The following DNAH5 variants were observed in gnomAD, a reference collection of about 807,000 sequenced individuals.
DNAH5 encodes dynein axonemal heavy chain 5, also known as axonemal beta dynein heavy chain 5.
In DNAH5, 372 loss-of-function variants were observed where a neutral mutation model predicts 518.2. The ratio of observed to expected loss-of-function variants is 0.72; its 90% CI spans 0.66 to 0.78. The LOEUF (loss-of-function observed/expected upper bound fraction) is 0.78, where lower values mean the gene tolerates loss of function less well. Ranked by LOEUF, DNAH5 falls within the 30% of genes least tolerant of loss-of-function variation. The pLI is 0.00. For missense variants in DNAH5, 5,523 were observed against 5,687.0 expected, an observed-to-expected ratio of 0.97 and a Z score of 0.93; for synonymous variants, 2,039 against 2,025.9, an observed-to-expected ratio of 1.01 and a Z score of -0.17.
At chr5:13,990,383 T>A (rs1363794070) in intron 1 of DNAH5, among the ~76,000 whole-genome samples, 1 of 151,666 alleles carries the variant, frequency 6.6e-6, no homozygotes, top group Admixed American at 6.6e-5. Flanking sequence ...AAACCCTGTC[T>A]CTTCCAAACA....
chr5:13,852,946 C>T (rs943661122), intron 30 of DNAH5, among the ~76,000 whole-genome samples: 3 of 152,228 alleles, frequency 2.0e-5, no homozygotes, highest in African/African-American at 7.2e-5. Flanking sequence ...GGTACAGCGT[C>T]AGAAGACTTA....
intron 1 of DNAH5, among the ~76,000 whole-genome samples, chr5:13,998,244 T>C (rs545951378): frequency 6.6e-6 from 1 of 152,312 alleles, no homozygotes; most frequent in East Asian, 1.9e-4. Context: ...TGGCACCTTG[T>C]TGCTGCACCT....
intron 57 of DNAH5, 99 bp from the exon 58 acceptor site, chr5:13,769,235 C>G: frequency 7.6e-7 from 1 of 1,309,268 alleles, no homozygotes; most frequent in Non-Finnish European, 1.1e-6. Context: ...TGTTCACTTA[C>G]CCAGTTTTGT....
At position 13,890,826 on chromosome 5, in the gene DNAH5, T is replaced by C. The variant is rs556703120; in HGVS notation, c.2577+150A>G. ...GATACATTTCTCTTCACTGGCAAAT[T>C]ATTGTCAGAAGATTCCATGTCTGAA... On this transcript the variant is annotated intron_variant, in intron 17 of 78. Transcript: ENST00000265104. The C allele has an allele frequency of 1.3e-5, 11 of 865,932 alleles. No individual in the cohort carries two copies. The African/African-American group carries it at 1.7e-4, about 13-fold the overall frequency. The allele number at this position is 865,932 out of a possible 1,614,324, so 53.6% of individuals were successfully genotyped here.
At chr5:13,757,656 A>G (rs1751187781) in intron 61 of DNAH5, among the ~76,000 whole-genome samples, 1 of 152,210 alleles carries the variant, frequency 6.6e-6, no homozygotes, top group African/African-American at 2.4e-5. Flanking sequence ...GATCTGAAAA[A>G]ATCTTAATAT....
intron 35 of DNAH5, among the ~76,000 whole-genome samples, chr5:13,838,706 A>G (rs888194849): frequency 1.3e-5 from 2 of 152,154 alleles, no homozygotes; most frequent in Non-Finnish European, 2.9e-5. Flanking sequence ...GTGCACAATA[A>G]ATGGAATGAG....
chr5:13,773,423 G>A (rs1346239145), intron 55 of DNAH5, among the ~76,000 whole-genome samples: 1 of 152,082 alleles, frequency 6.6e-6, no homozygotes, highest in East Asian at 1.9e-4. Context: ...GGACTAGTGT[G>A]AAAGGATAAG....
At chr5:13,852,016 T>C (rs1409932193) in intron 30 of DNAH5, among the ~76,000 whole-genome samples, 1 of 152,052 alleles carries the variant, frequency 6.6e-6, no homozygotes. Flanking sequence ...TGAGGTACCA[T>C]GCTGTGAGGG....
At chr5:13,892,776 A>G (rs1035491750) in intron 16 of DNAH5, among the ~76,000 whole-genome samples, 17 of 152,210 alleles carry the variant, frequency 1.1e-4, no homozygotes, top group African/African-American at 3.9e-4. Context: ...GTGCCTCCTT[A>G]GGAAATTTTA....
At chr5:13,750,156 G>T (rs1750015631) in intron 65 of DNAH5, among the ~76,000 whole-genome samples, 1 of 152,112 alleles carries the variant, frequency 6.6e-6, no homozygotes, top group East Asian at 1.9e-4. Flanking sequence ...ACACAGAAAA[G>T]GTACAGACAA....
rs75275506 is a variant in DNAH5 at position 13,728,620 on chromosome 5, G to A, written c.11883+819C>T. Among the ~76,000 whole-genome samples the A allele has an allele frequency of 2.6e-3, 392 of 152,166 alleles. 12 individuals carry two copies. The East Asian group carries it at 0.073, about 28-fold the overall frequency. Reference sequence around the variant, plus strand: ...GAATGGTTTGTACCCCTAAGTACATGGTAGTAATAATAAACACCACCAGTG... The same window carrying A: ...GAATGGTTTGTACCCCTAAGTACATAGTAGTAATAATAAACACCACCAGTG... On this transcript the variant is annotated intron_variant, in intron 69 of 78. Coordinates refer to ENST00000265104, the MANE Select transcript of DNAH5 (RefSeq NM_001369.3).
At chr5:14,002,065 AT>A (rs752833775) in intron 1 of DNAH5, among the ~76,000 whole-genome samples, 2 of 151,530 alleles carry the variant, frequency 1.3e-5, no homozygotes, top group Non-Finnish European at 2.9e-5. Context: ...TACCCAGCTA[AT>A]TTTTGTATTT....
intron 30 of DNAH5, among the ~76,000 whole-genome samples, chr5:13,852,024 G>T (rs1766938824): frequency 6.6e-6 from 1 of 152,092 alleles, no homozygotes; most frequent in South Asian, 2.1e-4. Flanking sequence ...CATGCTGTGA[G>T]GGACACTGCT....
chr5:13,988,274 C>T (rs978509089), intron 1 of DNAH5, among the ~76,000 whole-genome samples: 6 of 152,138 alleles, frequency 3.9e-5, no homozygotes, highest in Non-Finnish European at 8.8e-5. Context: ...ACTTTGATGC[C>T]ACTGTCCCTT....
rs1580687363 is a variant in DNAH5 at position 13,871,731 on chromosome 5, T to C, written c.3431A>G (p.Tyr1144Cys). 1.2e-6 allele frequency: 2 copies of C among 1,613,704 alleles called. No homozygotes were observed. Among genetic ancestry groups the C allele is most frequent in the South Asian group, 1.1e-5 (1 of 91,068 alleles). The change falls in exon 23 of 79, where the codon TAC becomes TGC. Residue 1144 changes from tyrosine to cysteine, a missense_variant. By Grantham distance (194) the Tyr-to-Cys change is radical. Coordinates refer to ENST00000265104, the MANE Select transcript of DNAH5 (RefSeq NM_001369.3). ...VITSMDCFKR[Y>C]NHIWQKGKEE... The stretch of plus-strand genomic sequence containing the variant: ...TTTTCCCTTTTGCCAAATGTGATTG[T>C]AGCGTTTGAAGCAATCCATGGATGT...
chr5:13,818,380 T>C (rs1183450388), intron 41 of DNAH5, among the ~76,000 whole-genome samples: 1 of 152,162 alleles, frequency 6.6e-6, no homozygotes, highest in African/African-American at 2.4e-5. Flanking sequence ...GGGCAGATCA[T>C]GAGGTCAGGA....
intron 78 of DNAH5, among the ~76,000 whole-genome samples, chr5:13,695,664 CA>C (rs1280949509): frequency 6.6e-6 from 1 of 152,094 alleles, no homozygotes; most frequent in East Asian, 1.9e-4. Context: ...TCTCCATCTG[CA>C]AAATGAGGAT....
intron 43 of DNAH5, among the ~76,000 whole-genome samples, chr5:13,812,494 C>T (rs532409842): frequency 3.9e-5 from 6 of 152,044 alleles, no homozygotes; most frequent in Non-Finnish European, 8.8e-5. Context: ...TTTGTCGAGA[C>T]AGGGTTTTGC....
At chr5:13,753,091 T>G (rs1220626697) in intron 63 of DNAH5, 142 bp downstream of exon 63, 1 of 643,310 alleles carries the variant, frequency 1.6e-6, no homozygotes, top group Non-Finnish European at 2.7e-6. Flanking sequence ...TATATTAGAT[T>G]TAAGCTTGCA....
Sources: gnomAD v4.1 joint callset for allele counts (sites outside exome capture counted in the v4.1 genomes callset) on GRCh38, gnomAD v4.1.1 for gene constraint, MANE v1.5 for transcripts, NCBI Gene and HGNC (gene_info 2026-07-23, HGNC 2026-07-21) for gene names.